KLHL26: variants seen among roughly 807,000 people sequenced by gnomAD.
The protein encoded by KLHL26 is kelch-like protein 26.
In KLHL26, 4 loss-of-function variants were observed where a neutral mutation model predicts 7.1. That is an observed-to-expected ratio of 0.56 (90% CI 0.28 to 1.28). KLHL26 has a LOEUF of 1.28. KLHL26 is among the 50% of genes most tolerant of loss of function. The probability of loss-of-function intolerance (pLI) is 0.11; values close to 1 mark genes in which losing one functional copy is unlikely to be tolerated. For synonymous variants in KLHL26, 465 were observed against 414.1 expected, an observed-to-expected ratio of 1.12 and a Z score of -1.49; for missense variants, 896 against 924.6, an observed-to-expected ratio of 0.97 and a Z score of 0.40.
chr19:18,663,409 T>C (rs1053362529), intron 1 of KLHL26, among the ~76,000 whole-genome samples: 1 of 152,218 alleles, frequency 6.6e-6, no homozygotes. Flanking sequence ...GTGTTTGACG[T>C]TGGCTCTTTA....
chr19:18,641,071 T>C (rs1247262057), intron 1 of KLHL26, among the ~76,000 whole-genome samples: 2 of 152,026 alleles, frequency 1.3e-5, no homozygotes, highest in East Asian at 3.9e-4. Flanking sequence ...CAGGCTGGAG[T>C]GCGATGGTGC....
chr19:18,644,070 C>A (rs1031765365), intron 1 of KLHL26, among the ~76,000 whole-genome samples: 1 of 152,300 alleles, frequency 6.6e-6, no homozygotes, highest in South Asian at 2.1e-4. Context: ...TAGCACTAAC[C>A]CCCTATTCTC....
intron 1 of KLHL26, among the ~76,000 whole-genome samples, chr19:18,647,043 A>T (rs1262165395): frequency 6.6e-6 from 1 of 152,210 alleles, no homozygotes; most frequent in Non-Finnish European, 1.5e-5. Context: ...ACTGGCCCAC[A>T]GGCCGAGCCA....
In KLHL26 at chr19:18,648,842, T is replaced by C. The variant is rs573971785; in HGVS notation, c.83+11705T>C. On this transcript the variant is annotated intron_variant, in intron 1 of 2. Coordinates refer to ENST00000300976, the MANE Select transcript of KLHL26 (RefSeq NM_018316.3). This position sits in a 1 kb window ranked among gnomAD's most constrained non-coding sequence, Gnocchi z 4.9. Reference sequence around the variant, plus strand: ...CCTGGAGCCAGCTCCTCCTGCTCTCTCCTCCCCATCCCAGCTCAGAGCCAC... The same window carrying C: ...CCTGGAGCCAGCTCCTCCTGCTCTCCCCTCCCCATCCCAGCTCAGAGCCAC... 6.6e-6 allele frequency among the ~76,000 whole-genome samples: 1 copy of C among 152,120 alleles called. No homozygotes were observed. The highest frequency in any genetic ancestry group is 6.5e-5 in the Admixed American group (1 of 15,284).
chr19:18,664,128 G>A lies in KLHL26; in HGVS notation c.84-133G>A, dbSNP rs1473322264. 4 of 732,274 alleles carry A rather than the reference G, an allele frequency of 5.5e-6. No homozygotes were observed. The Admixed American group carries it at 1.2e-4, about 22-fold the overall frequency. 45.4% of individuals were successfully genotyped at this position (732,274 alleles called of 1,614,324 possible). A position where few individuals can be genotyped will look rare whatever the true frequency, so the allele number is the denominator to read the frequency against. ...CTGTCTCTGCGGATTTGCCTGTTCT[G>A]GGCATTTCACGTCAGTGGAGTCATA... On this transcript the variant is annotated intron_variant, in intron 1 of 2. Coordinates refer to ENST00000300976, the MANE Select transcript of KLHL26 (RefSeq NM_018316.3).
intron 1 of KLHL26, among the ~76,000 whole-genome samples, chr19:18,655,708 T>TGCC (rs1397356108): frequency 0.02 from 3,061 of 151,576 alleles, 53 homozygotes; most frequent in African/African-American, 0.027. Flanking sequence ...GCAGAGAGCT[T>TGCC]GCTGCTGGTC....
At chr19:18,642,638 A>G (rs1976735044) in intron 1 of KLHL26, among the ~76,000 whole-genome samples, 1 of 152,038 alleles carries the variant, frequency 6.6e-6, no homozygotes, top group Non-Finnish European at 1.5e-5. Flanking sequence ...TGCTGGGATT[A>G]CAGGCGTGAG....
intron 1 of KLHL26, among the ~76,000 whole-genome samples, chr19:18,645,410 C>G (rs1468138898): frequency 6.6e-6 from 1 of 152,134 alleles, no homozygotes; most frequent in African/African-American, 2.4e-5. Context: ...TTGGCCCACG[C>G]TCCCTGGAGA....
intron 1 of KLHL26, among the ~76,000 whole-genome samples, chr19:18,651,389 A>G (rs1189740584): frequency 6.6e-6 from 1 of 152,208 alleles, no homozygotes; most frequent in Non-Finnish European, 1.5e-5. Flanking sequence ...GCCTCTGTCC[A>G]GTCTGTGTCA....
intron 1 of KLHL26, among the ~76,000 whole-genome samples, chr19:18,640,874 C>T (rs1976700757): frequency 6.6e-6 from 1 of 152,056 alleles, no homozygotes; most frequent in African/African-American, 2.4e-5. Flanking sequence ...AAGCTTGTTC[C>T]CAAAGTGGCT....
chr19:18,650,543 C>A lies in KLHL26; in HGVS notation c.83+13406C>A, dbSNP rs1008156311. 6.6e-6 allele frequency among the ~76,000 whole-genome samples: 1 copy of A among 152,240 alleles called. No individual in the cohort carries two copies. ...CGCTAGGTCTCTCCTCTGGCTCCCC[C>A]TCCTCGGGTCCTCGTGGCTCTCTGT... On this transcript the variant is annotated intron_variant, in intron 1 of 2. Transcript: ENST00000300976. This position sits in a 1 kb window ranked among gnomAD's most constrained non-coding sequence, Gnocchi z 4.2.
At chr19:18,658,480 T>A (rs544480812) in intron 1 of KLHL26, among the ~76,000 whole-genome samples, 2 of 103,454 alleles carry the variant, frequency 1.9e-5, no homozygotes, top group South Asian at 5.4e-4. Flanking sequence ...TCTCTCCTTG[T>A]CTCTCTGGGT....
At chr19:18,655,735 A>C (rs2052324053) in intron 1 of KLHL26, among the ~76,000 whole-genome samples, 1 of 152,168 alleles carries the variant, frequency 6.6e-6, no homozygotes, top group Admixed American at 6.5e-5. Context: ...GTGGGGTCTG[A>C]ACACCCCCTT....
At position 18,648,299 on chromosome 19, in the gene KLHL26, G is replaced by A. The variant is rs983783392; in HGVS notation, c.83+11162G>A. Among the ~76,000 whole-genome samples, 2 of 152,154 alleles carry A rather than the reference G, an allele frequency of 1.3e-5. No homozygotes were observed. The highest frequency in any genetic ancestry group is 2.9e-5 in the Non-Finnish European group (2 of 68,022). ...GCACGAGAGTCGATTGAACCCAGGA[G>A]CCGAGATTGCACCACTGCACTCCAG... On this transcript the variant is annotated intron_variant, in intron 1 of 2. Transcript: ENST00000300976. This position sits in a 1 kb window ranked among gnomAD's most constrained non-coding sequence, Gnocchi z 4.9.
chr19:18,652,864 C>T (rs982789950), intron 1 of KLHL26, among the ~76,000 whole-genome samples: 5 of 152,126 alleles, frequency 3.3e-5, no homozygotes, highest in South Asian at 2.1e-4. Context: ...GCTCCGTTGT[C>T]GGCAGGCAGC....
intron 1 of KLHL26, among the ~76,000 whole-genome samples, chr19:18,643,089 C>T (rs906279919): frequency 2.6e-4 from 39 of 152,076 alleles, no homozygotes; most frequent in Admixed American, 4.6e-4. Context: ...GCCTTGGCCT[C>T]CCAAAGTGTT....
At chr19:18,643,574 G>A (rs1976752232) in intron 1 of KLHL26, among the ~76,000 whole-genome samples, 1 of 151,710 alleles carries the variant, frequency 6.6e-6, no homozygotes, top group African/African-American at 2.4e-5. Context: ...CGCCTCCTGG[G>A]TTCAAGCGAT....
chr19:18,657,458 G>C (rs1459480555), intron 1 of KLHL26, among the ~76,000 whole-genome samples: 2 of 151,152 alleles, frequency 1.3e-5, no homozygotes, highest in Admixed American at 6.6e-5. Flanking sequence ...CTGAGTCTCT[G>C]TGCCTCCATA....
At chr19:18,657,833 C>G (rs545447692) in intron 1 of KLHL26, among the ~76,000 whole-genome samples, 1 of 152,170 alleles carries the variant, frequency 6.6e-6, no homozygotes, top group Non-Finnish European at 1.5e-5. Context: ...GCAGGGCGGC[C>G]GGGCCTCAGG....
Sources: allele counts gnomAD v4.1 joint callset (sites outside exome capture counted in the v4.1 genomes callset), GRCh38; gene constraint gnomAD v4.1.1; non-coding constraint Gnocchi (gnomAD v3.1); transcripts MANE v1.5; gene names NCBI Gene and HGNC (gene_info 2026-07-23, HGNC 2026-07-21).